Variants in SPARCL1 observed in about 807,000 individuals in gnomAD.
SPARCL1 encodes the protein SPARC-like protein 1.
In SPARCL1, 52 loss-of-function variants were observed where a neutral mutation model predicts 67.1. The ratio of observed to expected loss-of-function variants is 0.78; its 90% CI spans 0.62 to 0.98. The LOEUF (loss-of-function observed/expected upper bound fraction) is 0.98. Among genes scored for constraint, SPARCL1 ranks in the 50% least tolerant of loss-of-function variants. SPARCL1 has a pLI of 0.00. For synonymous variants in SPARCL1, 226 were observed against 267.8 expected, an observed-to-expected ratio of 0.84 and a Z score of 1.52; for missense variants, 717 against 782.4, an observed-to-expected ratio of 0.92 and a Z score of 1.00.
intron 5 of SPARCL1, among the ~76,000 whole-genome samples, chr4:87,491,170 C>T (rs916965278): frequency 6.6e-6 from 1 of 152,130 alleles, no homozygotes; most frequent in African/African-American, 2.4e-5. Flanking sequence ...TCTTCTATGC[C>T]TGAGATGGTC....
Position 87,482,376 on chromosome 4 carries a change from C to T in SPARCL1, c.1668+48G>A, listed in dbSNP as rs10009496. 5.7e-4 allele frequency: 909 copies of T among 1,599,814 alleles called. 3 individuals are homozygous for T. The African/African-American group carries it at 0.011, about 18-fold the overall frequency. Reference sequence around the variant, plus strand: ...GCCCCCCCACCACGTCTTTCTTCCTCATGCCCTGTAGACAGACATTGAAGA... The same window carrying T: ...GCCCCCCCACCACGTCTTTCTTCCTTATGCCCTGTAGACAGACATTGAAGA... On this transcript the variant is annotated intron_variant, in intron 8 of 10. Transcript: ENST00000282470.
intron 2 of SPARCL1, among the ~76,000 whole-genome samples, chr4:87,496,334 C>T (rs1724618137): frequency 6.6e-6 from 1 of 152,074 alleles, no homozygotes; most frequent in Non-Finnish European, 1.5e-5. Context: ...GCCACCCTTC[C>T]ACTTCAGCCT....
At chr4:87,506,300 A>G (rs1725069339) in intron 1 of SPARCL1, among the ~76,000 whole-genome samples, 1 of 152,194 alleles carries the variant, frequency 6.6e-6, no homozygotes, top group South Asian at 2.1e-4. Flanking sequence ...TGGGGATAAC[A>G]TCTGTGATGG....
At chr4:87,522,637 CCAAACA>C (rs1483259379) in intron 1 of SPARCL1, among the ~76,000 whole-genome samples, 2 of 107,888 alleles carry the variant, frequency 1.9e-5, no homozygotes, top group African/African-American at 8.6e-5. Context: ...GCCACCACCA[CCAAACA>C]CACACACACA....
rs981495765 is a variant in SPARCL1 at position 87,521,696 on chromosome 4, T to C, written c.-12+7349A>G. On this transcript the variant is annotated intron_variant, in intron 1 of 10. Coordinates refer to ENST00000282470, the MANE Select transcript of SPARCL1 (RefSeq NM_004684.6). Reference sequence around the variant, plus strand: ...GATCTGTTTATCACTTTGTCTAAAGTTTAATGAACTAAGAAAGACATACCA... The same window carrying C: ...GATCTGTTTATCACTTTGTCTAAAGCTTAATGAACTAAGAAAGACATACCA... Among the ~76,000 whole-genome samples the C allele has an allele frequency of 6.6e-5, 10 of 152,198 alleles. No homozygotes were observed. The East Asian group carries it at 1.7e-3, about 26-fold the overall frequency.
chr4:87,490,215 CCA>C, intron 7 of SPARCL1, 56 bp downstream of exon 7: 1 of 1,521,252 alleles, frequency 6.6e-7, no homozygotes, highest in Non-Finnish European at 8.8e-7. Flanking sequence ...TCAGGCATGT[CCA>C]GATTCACCCC....
At chr4:87,517,251 G>A (rs370265029) in intron 1 of SPARCL1, among the ~76,000 whole-genome samples, 3 of 152,166 alleles carry the variant, frequency 2.0e-5, no homozygotes, top group African/African-American at 7.2e-5. Context: ...TGAGTTTCAA[G>A]GCCCCTCACT....
At chr4:87,520,602 C>T (rs933854960) in intron 1 of SPARCL1, among the ~76,000 whole-genome samples, 23 of 152,196 alleles carry the variant, frequency 1.5e-4, no homozygotes, top group African/African-American at 5.5e-4. Context: ...ACAAGCATAT[C>T]CCCTGCCTGA....
At chr4:87,491,940 ACC>A (rs200718270) in intron 4 of SPARCL1, among the ~76,000 whole-genome samples, 1 of 10,418 alleles carries the variant, frequency 9.6e-5, no homozygotes, top group African/African-American at 5.3e-4. Flanking sequence ...CTCCATCTCT[ACC>A]CACCCCCCCC....
intron 1 of SPARCL1, among the ~76,000 whole-genome samples, chr4:87,525,239 G>A (rs1725992459): frequency 6.6e-6 from 1 of 152,116 alleles, no homozygotes; most frequent in East Asian, 1.9e-4. Context: ...TGAGGCTCCT[G>A]AGCTTAGCAG....
chr4:87,521,328 C>T (rs750001342), intron 1 of SPARCL1, among the ~76,000 whole-genome samples: 2 of 152,146 alleles, frequency 1.3e-5, no homozygotes, highest in Non-Finnish European at 2.9e-5. Flanking sequence ...CTTCTCTTTC[C>T]TTTTCTCTTA....
chr4:87,499,477 A>C (rs377499812), intron 2 of SPARCL1, 44 bp downstream of exon 2: 23 of 1,465,790 alleles, frequency 1.6e-5, no homozygotes, highest in Non-Finnish European at 1.9e-5. Context: ...TCTGCATTAA[A>C]TGTCAGGAGA....
chr4:87,480,597 T>G, intron 8 of SPARCL1, 77 bp from the exon 9 acceptor site: 1 of 1,385,270 alleles, frequency 7.2e-7, no homozygotes. Context: ...AAACTTTACT[T>G]GAAGAGTGAC....
chr4:87,499,492 G>A, intron 2 of SPARCL1, 29 bp downstream of exon 2: 1 of 1,567,444 alleles, frequency 6.4e-7, no homozygotes. Flanking sequence ...AGGAGAAAGA[G>A]ATGTAATAAC....
intron 1 of SPARCL1, among the ~76,000 whole-genome samples, chr4:87,514,489 C>T (rs564632589): frequency 3.3e-5 from 5 of 152,156 alleles, no homozygotes; most frequent in East Asian, 1.9e-4. Flanking sequence ...AAAATTTAAA[C>T]GCAGAGTATG....
intron 1 of SPARCL1, among the ~76,000 whole-genome samples, chr4:87,518,245 G>C (rs1560454496): frequency 6.6e-6 from 1 of 151,956 alleles, no homozygotes; most frequent in Non-Finnish European, 1.5e-5. Flanking sequence ...AAAAGACACA[G>C]CTTGCCCACA....
At chr4:87,498,448 C>T (rs1462731920) in intron 2 of SPARCL1, among the ~76,000 whole-genome samples, 1 of 152,102 alleles carries the variant, frequency 6.6e-6, no homozygotes, top group Non-Finnish European at 1.5e-5. Flanking sequence ...GCTGATTCCT[C>T]CATTTGGTGA....
At chr4:87,511,816 G>A (rs1485588914) in intron 1 of SPARCL1, among the ~76,000 whole-genome samples, 1 of 152,042 alleles carries the variant, frequency 6.6e-6, no homozygotes, top group Non-Finnish European at 1.5e-5. Flanking sequence ...GATGAAGTGA[G>A]GGCAGTGAGT....
chr4:87,482,656 CAG>C, intron 7 of SPARCL1, 96 bp from the exon 8 acceptor site: 1 of 1,385,506 alleles, frequency 7.2e-7, no homozygotes, highest in Non-Finnish European at 1.0e-6. Flanking sequence ...TGGCAACTGA[CAG>C]AGCTTTCTCA....
Sources: allele counts gnomAD v4.1 joint callset (sites outside exome capture counted in the v4.1 genomes callset), GRCh38; gene constraint gnomAD v4.1.1; transcripts MANE v1.5; gene names NCBI Gene and HGNC (gene_info 2026-07-23, HGNC 2026-07-21).